The following SPAST variants were observed in gnomAD, a reference collection of about 807,000 sequenced individuals.
The protein encoded by SPAST is spastic paraplegia 4 (autosomal dominant; spastin).
Under a neutral mutation model 76.6 loss-of-function variants are expected in SPAST, and 30 were observed. The observed-to-expected ratio is 0.39, with a 90% CI of 0.29 to 0.53. The LOEUF is 0.53. Ranked by LOEUF, SPAST falls within the 20% of genes least tolerant of loss-of-function variation. The pLI, the probability that SPAST is intolerant of heterozygous loss-of-function variation, is 0.68. For missense variants in SPAST, 717 were observed against 770.5 expected (o/e 0.93, Z 0.82); for synonymous variants, 305 against 281.0 (o/e 1.09, Z -0.86).
At chr2:32,064,842 CT>C (rs1676445749) in intron 1 of SPAST, among the ~76,000 whole-genome samples, 1 of 152,138 alleles carries the variant, frequency 6.6e-6, no homozygotes, top group Non-Finnish European at 1.5e-5. Context: ...ACTTTTCCCC[CT>C]GTTGCTTTGA....
intron 1 of SPAST, among the ~76,000 whole-genome samples, chr2:32,084,011 T>C (rs903117387): frequency 1.3e-5 from 2 of 150,980 alleles, no homozygotes; most frequent in African/African-American, 4.9e-5. Context: ...ACTCCTGACC[T>C]CAGGTGATCC....
At chr2:32,149,768 G>T (rs1253504446) in intron 16 of SPAST, among the ~76,000 whole-genome samples, 2 of 152,142 alleles carry the variant, frequency 1.3e-5, no homozygotes, top group Non-Finnish European at 2.9e-5. Flanking sequence ...GGATTGTGTA[G>T]GTTGTATGCA....
chr2:32,115,600 C>A (rs923292782), intron 5 of SPAST, 102 bp from the exon 6 acceptor site: 18 of 877,050 alleles, frequency 2.1e-5, no homozygotes, highest in African/African-American at 2.0e-4. Flanking sequence ...ACCCTTTTTC[C>A]TATTTTTAAA....
intron 1 of SPAST, among the ~76,000 whole-genome samples, chr2:32,067,305 G>A (rs1216016215): frequency 6.6e-6 from 1 of 152,046 alleles, no homozygotes; most frequent in African/African-American, 2.4e-5. Context: ...CAAGTGAACC[G>A]CCCTCCTTGG....
chr2:32,083,768 A>ATTTTTTTTTT (rs1553398805), intron 1 of SPAST, among the ~76,000 whole-genome samples: 7 of 51,602 alleles, frequency 1.4e-4, no homozygotes, highest in Admixed American at 7.3e-4. Context: ...ATATATATAT[A>ATTTTTTTTTT]TATATATATT....
intron 1 of SPAST, among the ~76,000 whole-genome samples, chr2:32,083,442 A>G (rs1677318345): frequency 6.6e-6 from 1 of 151,728 alleles, no homozygotes; most frequent in African/African-American, 2.4e-5. Flanking sequence ...CCTACCAGCA[A>G]ACATAATGAA....
chr2:32,071,405 G>A (rs1466874479), intron 1 of SPAST, among the ~76,000 whole-genome samples: 2 of 152,178 alleles, frequency 1.3e-5, no homozygotes, highest in Non-Finnish European at 2.9e-5. Flanking sequence ...GTTTTAAGCT[G>A]TGTATATGTG....
intron 12 of SPAST, among the ~76,000 whole-genome samples, chr2:32,140,945 T>TG (rs201131639): frequency 2.5e-4 from 15 of 58,900 alleles, no homozygotes; most frequent in East Asian, 1.2e-3. Context: ...TTGTTGTTGT[T>TG]TTTTTTTTTT....
chr2:32,154,260 G>A (rs537081174), intron 16 of SPAST, 114 bp from the exon 17 acceptor site: 40 of 868,640 alleles, frequency 4.6e-5, no homozygotes, highest in South Asian at 5.9e-5. Context: ...ATACATACAC[G>A]TATATTTTTT....
At position 32,128,490 on chromosome 2, in the gene SPAST, T is replaced by A; in HGVS notation, c.1245+11T>A. On this transcript the variant is annotated intron_variant, in intron 9 of 16. Transcript: ENST00000315285. The stretch of plus-strand genomic sequence containing the variant: ...TTAACTTCAAAATACGTGAGTGCTC[T>A]GTTTCCAATATTGTCGTATTTTAAG... 1 of 1,552,076 alleles carries A rather than the reference T, an allele frequency of 6.4e-7. No homozygotes were observed. Among genetic ancestry groups the A allele is most frequent in the Non-Finnish European group, 8.9e-7 (1 of 1,123,528 alleles).
chr2:32,068,852 C>A (rs1244950569), intron 1 of SPAST, among the ~76,000 whole-genome samples: 1 of 151,194 alleles, frequency 6.6e-6, no homozygotes, highest in Admixed American at 6.6e-5. Flanking sequence ...TGAGATCTCA[C>A]CCATTGCACT....
At chr2:32,110,046 A>T (rs566438127) in intron 4 of SPAST, among the ~76,000 whole-genome samples, 1 of 148,352 alleles carries the variant, frequency 6.7e-6, no homozygotes, top group Non-Finnish European at 1.5e-5. Flanking sequence ...TATATAAACT[A>T]TATGTATACA....
intron 3 of SPAST, among the ~76,000 whole-genome samples, chr2:32,090,103 A>C (rs916769459): frequency 1.3e-5 from 2 of 152,208 alleles, no homozygotes; most frequent in African/African-American, 2.4e-5. Context: ...CTCAGCTTTG[A>C]TAATTATCAC....
chr2:32,111,358 T>C lies in SPAST; in HGVS notation c.683-3280T>C, dbSNP rs1300328722. Among the ~76,000 whole-genome samples, 34 of 128,240 alleles carry C rather than the reference T, an allele frequency of 2.7e-4. 1 individual carries two copies. The highest frequency in any genetic ancestry group is 3.5e-4 in the African/African-American group (13 of 37,604). The allele number at this position is 128,240 out of a possible 152,430, so 84.1% of individuals were successfully genotyped here. ...TATATATACAGTATACTGTATAGTG[T>C]GTATAGCGTATATATAGTATACTGT... On this transcript the variant is annotated intron_variant, in intron 4 of 16. Coordinates refer to ENST00000315285, the MANE Select transcript of SPAST (RefSeq NM_014946.4).
chr2:32,072,265 G>A (rs935730886), intron 1 of SPAST, among the ~76,000 whole-genome samples: 8 of 151,990 alleles, frequency 5.3e-5, no homozygotes, highest in Non-Finnish European at 1.0e-4. Flanking sequence ...GGATGGTCTC[G>A]ATCTCTTGAC....
intron 4 of SPAST, among the ~76,000 whole-genome samples, chr2:32,112,179 C>G (rs1282654725): frequency 2.0e-5 from 3 of 151,534 alleles, no homozygotes; most frequent in Admixed American, 2.0e-4. Flanking sequence ...TCTTAAACTC[C>G]TGACCTCAGA....
chr2:32,083,774 A>T (rs1282301438), intron 1 of SPAST, among the ~76,000 whole-genome samples: 5,684 of 53,608 alleles, frequency 0.11, 738 homozygotes, highest in African/African-American at 0.2. Context: ...ATATATATAT[A>T]TATTTTTTTT....
chr2:32,144,706 C>T (rs191571450), intron 14 of SPAST, among the ~76,000 whole-genome samples: 4 of 151,794 alleles, frequency 2.6e-5, no homozygotes, highest in Non-Finnish European at 4.4e-5. Flanking sequence ...ACCAACATGG[C>T]GAAACGCCAT....
chr2:32,064,089 C>G lies in SPAST; in HGVS notation c.258C>G (p.Leu86=). ...TCTGCCAGCGCTTCTCCCGCGCCCT[C>G]ATGGCAGCCAAGAGGAGCTCCGGGG... ...VWLCQRFSRA[L]MAAKRSSGAA... is the part of the protein sequence containing the mutation. Residue 86 remains leucine, a synonymous_variant, in exon 1 of 17, where the codon CTC becomes CTG. Coordinates refer to ENST00000315285, the MANE Select transcript of SPAST (RefSeq NM_014946.4). The G allele has an allele frequency of 6.2e-7, 1 of 1,611,310 alleles. No homozygotes were observed. Among genetic ancestry groups the G allele is most frequent in the East Asian group, 2.2e-5 (1 of 44,762 alleles).
Sources: allele counts gnomAD v4.1 joint callset (sites outside exome capture counted in the v4.1 genomes callset), GRCh38; gene constraint gnomAD v4.1.1; transcripts MANE v1.5; gene names NCBI Gene and HGNC (gene_info 2026-07-23, HGNC 2026-07-21).